The following RBPJ variants were observed in gnomAD, a reference collection of about 807,000 sequenced individuals.
The protein encoded by RBPJ is recombination signal binding protein for immunoglobulin kappa J region, also known as recombining binding protein suppressor of hairless.
Under a neutral mutation model 67.8 loss-of-function variants are expected in RBPJ, and 9 were observed. The observed-to-expected ratio is 0.13, with a 90% CI of 0.08 to 0.23. The LOEUF is 0.23. Ranked by LOEUF, RBPJ falls within the 10% of genes least tolerant of loss-of-function variation. RBPJ has a pLI of 1.00. For missense variants in RBPJ, 305 were observed against 595.6 expected, an observed-to-expected ratio of 0.51 and a Z score of 5.08; for synonymous variants, 198 against 203.3, an observed-to-expected ratio of 0.97 and a Z score of 0.22.
chr4:26,424,734 C>T lies in RBPJ; in HGVS notation c.738C>T (p.Leu246=). 1 of 1,595,926 alleles carries T rather than the reference C, an allele frequency of 6.3e-7. No homozygotes were observed. Among genetic ancestry groups the T allele is most frequent in the Non-Finnish European group, 8.6e-7 (1 of 1,165,640 alleles). Residue 246 remains leucine (L), a synonymous_variant, in exon 7 of 11, where the codon CTC becomes CTT. Coordinates refer to ENST00000355476, the MANE Select transcript of RBPJ (RefSeq NM_015874.6). This position sits in a 1 kb window ranked among gnomAD's most constrained non-coding sequence, Gnocchi z 5.3. ...KLVCSVTGMA[L]PRLIIRKVDK... The stretch of plus-strand genomic sequence containing the variant: ...TGTGCTCAGTTACTGGCATGGCACT[C>T]CCAAGATTGGTATGGCTCTACTTTT...
intron 1 of RBPJ, among the ~76,000 whole-genome samples, chr4:26,358,495 C>G (rs955631294): frequency 1.3e-5 from 2 of 151,786 alleles, no homozygotes; most frequent in African/African-American, 4.8e-5. Context: ...TCCACTCAGT[C>G]CAGGTGCAGT....
chr4:26,191,180 AATATATATATATATAT>A (rs1245359104), intron 1 of RBPJ, among the ~76,000 whole-genome samples: 6 of 59,708 alleles, frequency 1.0e-4, no homozygotes, highest in Non-Finnish European at 1.7e-4. Context: ...AAAAAAAAAA[AATATATATATATATAT>A]ATATATATAT....
intron 1 of RBPJ, among the ~76,000 whole-genome samples, chr4:26,229,498 A>T (rs965895678): frequency 1.3e-5 from 2 of 152,150 alleles, no homozygotes; most frequent in Non-Finnish European, 2.9e-5. Flanking sequence ...TACCGTCCCC[A>T]GTGACCCCTC....
chr4:26,254,844 T>C (rs1720240316), intron 1 of RBPJ, among the ~76,000 whole-genome samples: 1 of 44,538 alleles, frequency 2.2e-5, no homozygotes, highest in African/African-American at 1.4e-4. Context: ...TGCCCAGCTA[T>C]TTTTTTTTTT....
At chr4:26,309,250 T>C (rs1032309970) in intron 1 of RBPJ, among the ~76,000 whole-genome samples, 29 of 152,066 alleles carry the variant, frequency 1.9e-4, no homozygotes, top group Admixed American at 5.2e-4. Flanking sequence ...CTCCTGGGCA[T>C]AAGCGATACT....
At chr4:26,229,579 G>C (rs1719202908) in intron 1 of RBPJ, among the ~76,000 whole-genome samples, 2 of 152,100 alleles carry the variant, frequency 1.3e-5, no homozygotes, top group Admixed American at 1.3e-4. Flanking sequence ...CCCTCACTGA[G>C]AGGCAGAATA....
At chr4:26,422,643 A>G (rs1735261614) in intron 5 of RBPJ, among the ~76,000 whole-genome samples, 1 of 152,048 alleles carries the variant, frequency 6.6e-6, no homozygotes, top group Non-Finnish European at 1.5e-5. Flanking sequence ...TGTATTGGTT[A>G]TATTTTAGTC....
chr4:26,211,912 T>G (rs1360949936), intron 1 of RBPJ, among the ~76,000 whole-genome samples: 2 of 152,054 alleles, frequency 1.3e-5, no homozygotes, highest in South Asian at 2.1e-4. Context: ...AAGGAAAAAT[T>G]TGGACACAGA....
Position 26,289,461 on chromosome 4 carries a change from C to T in RBPJ, c.-166-72985C>T, listed in dbSNP as rs1413918088. 2.1e-5 allele frequency among the ~76,000 whole-genome samples: 3 copies of T among 144,562 alleles called. 1 individual carries two copies. Among genetic ancestry groups the T allele is most frequent in the Non-Finnish European group, 4.6e-5 (3 of 65,858 alleles). 94.8% of individuals were successfully genotyped at this position (144,562 alleles called of 152,430 possible). ...GGCACCAGAAATGATCATATTACAA[C>T]ACTTGGCAATAAATTTGGTTCAGAT... On this transcript the variant is annotated intron_variant, in intron 1 of 4. Transcript: ENST00000512351.
intron 2 of RBPJ, among the ~76,000 whole-genome samples, chr4:26,397,206 A>T (rs1390576196): frequency 6.6e-6 from 1 of 152,176 alleles, no homozygotes; most frequent in African/African-American, 2.4e-5. Flanking sequence ...TGTAAACCGT[A>T]AGTATTGTGG....
intron 1 of RBPJ, among the ~76,000 whole-genome samples, chr4:26,227,074 A>G (rs2109199047): frequency 6.6e-6 from 1 of 152,332 alleles, no homozygotes; most frequent in South Asian, 2.1e-4. Context: ...GAAGTGGAGG[A>G]GAGAATGTTT....
At chr4:26,340,420 T>C (rs1725384179) in intron 1 of RBPJ, among the ~76,000 whole-genome samples, 5 of 152,186 alleles carry the variant, frequency 3.3e-5, no homozygotes, top group Admixed American at 3.3e-4. Context: ...AAGAGGAACT[T>C]AGTTTTTATT....
chr4:26,177,408 T>C (rs542108040), intron 1 of RBPJ, among the ~76,000 whole-genome samples: 9 of 152,082 alleles, frequency 5.9e-5, no homozygotes, highest in Non-Finnish European at 1.2e-4. Flanking sequence ...AAACCCCATC[T>C]CTACTAAAAA....
the RBPJ span, among the ~76,000 whole-genome samples, chr4:26,111,224 A>G: frequency 0.59 from 89,395 of 151,612 alleles, 27,211 homozygotes; most frequent in African/African-American, 0.66. Flanking sequence ...AACTCTTCTC[A>G]TTGAGAGTCT....
intron 1 of RBPJ, among the ~76,000 whole-genome samples, chr4:26,361,587 C>T (rs913536900): frequency 6.6e-6 from 1 of 151,796 alleles, no homozygotes; most frequent in African/African-American, 2.4e-5. Flanking sequence ...TTATGGCTTG[C>T]GTGTATTAAA....
intron 1 of RBPJ, among the ~76,000 whole-genome samples, chr4:26,298,554 A>G (rs547047085): frequency 6.6e-6 from 1 of 152,370 alleles, no homozygotes; most frequent in South Asian, 2.1e-4. Flanking sequence ...TAAACTCTTT[A>G]CAGTAAGTGA....
chr4:26,132,605 C>G, the RBPJ span, among the ~76,000 whole-genome samples: 2 of 152,186 alleles, frequency 1.3e-5, no homozygotes, highest in Non-Finnish European at 2.9e-5. Context: ...CTCTCTGCCC[C>G]AGGACTCATA....
At position 26,343,739 on chromosome 4, in the gene RBPJ, C is replaced by CTTTTT. The variant is rs71186404; in HGVS notation, c.20+22715_20+22719dup. Among the ~76,000 whole-genome samples the CTTTTT allele has an allele frequency of 3.3e-3, 185 of 55,844 alleles. 1 individual carries two copies. The highest frequency in any genetic ancestry group is 9.5e-3 in the African/African-American group (114 of 12,010). 36.6% of individuals were successfully genotyped at this position (55,844 alleles called of 152,430 possible). On this transcript the variant is annotated intron_variant, in intron 1 of 10. Transcript: ENST00000355476. Reference sequence around the variant, plus strand: ...ATTTTTTTGTACTTCTTTCTTTCTTCTTTTTTTTTTTTTTTTTTTTTTTTT... The same window carrying CTTTTT: ...ATTTTTTTGTACTTCTTTCTTTCTTCTTTTTTTTTTTTTTTTTTTTTTTTTTTTTT...
the RBPJ span, among the ~76,000 whole-genome samples, chr4:26,124,696 TC>T: frequency 6.6e-6 from 1 of 152,094 alleles, no homozygotes; most frequent in African/African-American, 2.4e-5. Flanking sequence ...TAGTTTACAG[TC>T]CCACAAGTGG....
Sources: allele counts gnomAD v4.1 joint callset (sites outside exome capture counted in the v4.1 genomes callset), GRCh38; gene constraint gnomAD v4.1.1; non-coding constraint Gnocchi (gnomAD v3.1); transcripts MANE v1.5; gene names NCBI Gene and HGNC (gene_info 2026-07-23, HGNC 2026-07-21).